RANBP2: variants seen among roughly 807,000 people sequenced by gnomAD.
RANBP2 encodes the protein E3 SUMO-protein ligase RanBP2.
RANBP2 carries 57 observed loss-of-function variants against 303.6 expected under a neutral mutation model. The observed-to-expected ratio is 0.19, with a 90% confidence interval of 0.15 to 0.23. The LOEUF (loss-of-function observed/expected upper bound fraction) is 0.23. Among genes scored for constraint, RANBP2 ranks in the 10% least tolerant of loss-of-function variants. The pLI is 1.00. For missense variants in RANBP2, 3,138 were observed against 3,780.8 expected (o/e 0.83, Z 4.46); for synonymous variants, 1,167 against 1,301.5 (o/e 0.90, Z 2.23).
chr2:109,658,650 G>C, the RANBP2 span, among the ~76,000 whole-genome samples: 2 of 152,176 alleles, frequency 1.3e-5, no homozygotes, highest in Non-Finnish European at 2.9e-5. Flanking sequence ...ACTCTGGCCA[G>C]GCACAGTAGC....
the RANBP2 span, among the ~76,000 whole-genome samples, chr2:109,330,740 G>A: frequency 6.6e-6 from 1 of 152,114 alleles, no homozygotes; most frequent in Non-Finnish European, 1.5e-5. Context: ...TGGAGAGATG[G>A]GTGGATAAAG....
chr2:109,582,116 A>T, the RANBP2 span, among the ~76,000 whole-genome samples: 1 of 149,938 alleles, frequency 6.7e-6, no homozygotes, highest in Non-Finnish European at 1.5e-5. Context: ...ACACACACTC[A>T]CTCTCACGCA....
the RANBP2 span, among the ~76,000 whole-genome samples, chr2:109,120,684 A>G: frequency 6.6e-6 from 1 of 151,428 alleles, no homozygotes; most frequent in Non-Finnish European, 1.5e-5. Context: ...AAAAAAAAAA[A>G]AAAAAAGCAG....
the RANBP2 span, among the ~76,000 whole-genome samples, chr2:108,831,036 A>G: frequency 6.6e-6 from 1 of 152,076 alleles, no homozygotes; most frequent in East Asian, 1.9e-4. Flanking sequence ...TTAGCCAGGC[A>G]TGGTGGTGCA....
the RANBP2 span, among the ~76,000 whole-genome samples, chr2:109,376,702 G>T: frequency 6.6e-6 from 1 of 152,228 alleles, no homozygotes; most frequent in South Asian, 2.1e-4. Flanking sequence ...AGGATATTCA[G>T]AAATTGGCTG....
the RANBP2 span, among the ~76,000 whole-genome samples, chr2:109,096,800 C>CT: frequency 3.7e-3 from 527 of 142,534 alleles, 2 homozygotes; most frequent in African/African-American, 0.01. Context: ...TTTGGAAACG[C>CT]TTTTTTTTTT....
chr2:108,880,865 C>T, the RANBP2 span, among the ~76,000 whole-genome samples: 1 of 152,194 alleles, frequency 6.6e-6, no homozygotes, highest in African/African-American at 2.4e-5. Context: ...AACATAACAT[C>T]CATTCTGCAG....
chr2:109,689,315 G>T, the RANBP2 span, among the ~76,000 whole-genome samples: 12 of 152,282 alleles, frequency 7.9e-5, no homozygotes, highest in African/African-American at 2.9e-4. Context: ...ACAACAGCAT[G>T]CCTGGGCAGC....
the RANBP2 span, among the ~76,000 whole-genome samples, chr2:109,271,261 G>A: frequency 1.3e-5 from 2 of 152,132 alleles, no homozygotes; most frequent in African/African-American, 4.8e-5. Flanking sequence ...AAAAGCCCTG[G>A]CCCTGCACCC....
chr2:109,074,635 G>A, the RANBP2 span, among the ~76,000 whole-genome samples: 2 of 150,202 alleles, frequency 1.3e-5, no homozygotes, highest in African/African-American at 2.4e-5. Flanking sequence ...GGGAAGTGGA[G>A]GCAGCAGTGA....
the RANBP2 span, among the ~76,000 whole-genome samples, chr2:109,020,066 A>G: frequency 6.6e-6 from 1 of 152,180 alleles, no homozygotes; most frequent in South Asian, 2.1e-4. Context: ...ACCATCTGAG[A>G]CATGTCTTGC....
At chr2:109,545,851 T>C in the RANBP2 span, 9 of 1,440,654 alleles carry the variant, frequency 6.2e-6, no homozygotes, top group East Asian at 1.7e-4. Flanking sequence ...ACACATAACA[T>C]GTGCCAGGTG....
At chr2:109,507,187 A>G in the RANBP2 span, among the ~76,000 whole-genome samples, 4 of 152,242 alleles carry the variant, frequency 2.6e-5, no homozygotes, top group South Asian at 8.3e-4. Context: ...GCCCCTGCCC[A>G]CTGCCACGAC....
At chr2:109,467,995 A>G in the RANBP2 span, among the ~76,000 whole-genome samples, 1 of 152,270 alleles carries the variant, frequency 6.6e-6, no homozygotes, top group Non-Finnish European at 1.5e-5. Context: ...GGACCTCCTC[A>G]GAGCGGAAAA....
chr2:109,359,405 A>G, the RANBP2 span, among the ~76,000 whole-genome samples: 1 of 151,874 alleles, frequency 6.6e-6, no homozygotes, highest in East Asian at 1.9e-4. Context: ...ATCCATGAAC[A>G]TGAAATATCT....
chr2:109,219,082 A>G, the RANBP2 span, among the ~76,000 whole-genome samples: 1 of 152,264 alleles, frequency 6.6e-6, no homozygotes, highest in South Asian at 2.1e-4. Flanking sequence ...GATGGTTCCC[A>G]ACTTTCCATC....
the RANBP2 span, among the ~76,000 whole-genome samples, chr2:109,511,843 C>T: frequency 6.6e-6 from 1 of 152,160 alleles, no homozygotes; most frequent in Non-Finnish European, 1.5e-5. Flanking sequence ...GAGGTGAGGT[C>T]CTGCATCCTG....
In RANBP2 at chr2:108,781,271, A is replaced by G; in HGVS notation, c.8602A>G (p.Lys2868Glu). 2 of 1,614,182 alleles carry G rather than the reference A, an allele frequency of 1.2e-6. No individual in the cohort carries two copies. Among genetic ancestry groups the G allele is most frequent in the African/African-American group, 1.3e-5 (1 of 75,058 alleles). The stretch of plus-strand genomic sequence containing the variant: ...AAATATCCTGATTTATTCATCAGAT[A>G]AAAATTTCCAATGGGCAAATACTGG... ...SGDFAFGSKD[K>E]NFQWANTGAA... The change falls in exon 26 of 29, where the codon AAA becomes GAA. Residue 2868 changes from lysine to glutamate, a missense_variant and splice_region_variant. By Grantham distance (56) the Lys-to-Glu change is moderately conservative. Around this residue, in one of 20 missense-constraint regions of RANBP2, gnomAD observed 497 missense variants for 465.8 expected, o/e 1.07. Coordinates refer to ENST00000283195, the MANE Select transcript of RANBP2 (RefSeq NM_006267.5).
chr2:109,116,689 T>C, the RANBP2 span, among the ~76,000 whole-genome samples: 2 of 152,362 alleles, frequency 1.3e-5, no homozygotes, highest in African/African-American at 4.8e-5. Flanking sequence ...TGCGTTCCTT[T>C]GGAGGAGGAG....
Sources: gnomAD v4.1 joint callset for allele counts (sites outside exome capture counted in the v4.1 genomes callset) on GRCh38, gnomAD v4.1.1 for gene constraint, gnomAD v4.1.1 regional missense constraint, MANE v1.5 for transcripts, NCBI Gene and HGNC (gene_info 2026-07-23, HGNC 2026-07-21) for gene names.